CNTN3: variants seen among roughly 807,000 people sequenced by gnomAD.
CNTN3 encodes the protein contactin-3.
In CNTN3, 60 loss-of-function variants were observed where a neutral mutation model predicts 119.1. That is an observed-to-expected ratio of 0.50 (90% CI 0.41 to 0.62). The LOEUF (loss-of-function observed/expected upper bound fraction) is 0.62. CNTN3 is among the 20% of genes least tolerant of loss of function. The probability of loss-of-function intolerance (pLI) is 0.00; values close to 1 mark genes in which losing one functional copy is unlikely to be tolerated. For synonymous variants in CNTN3, 450 were observed against 438.7 expected (o/e 1.03, Z -0.32); for missense variants, 1,101 against 1,242.4 (o/e 0.89, Z 1.71).
chr3:74,411,756 G>A (rs915460733), intron 5 of CNTN3, among the ~76,000 whole-genome samples: 4 of 152,040 alleles, frequency 2.6e-5, no homozygotes, highest in Non-Finnish European at 4.4e-5. Context: ...TGTATTTCAC[G>A]TTATCAACCC....
chr3:74,437,972 T>C (rs1233044274), intron 4 of CNTN3, among the ~76,000 whole-genome samples: 2 of 152,326 alleles, frequency 1.3e-5, no homozygotes, highest in East Asian at 1.9e-4. Context: ...CACAATATCA[T>C]ATTTAAAAAA....
intron 5 of CNTN3, among the ~76,000 whole-genome samples, chr3:74,397,194 A>G (rs1359055061): frequency 1.3e-5 from 2 of 152,224 alleles, no homozygotes; most frequent in Non-Finnish European, 2.9e-5. Context: ...TCTGTGGTCT[A>G]TAAATGGAAG....
At chr3:74,266,443 G>A (rs1701661464) in intron 22 of CNTN3, 38 bp downstream of exon 22, 1 of 1,584,696 alleles carries the variant, frequency 6.3e-7, no homozygotes, top group Non-Finnish European at 8.7e-7. Flanking sequence ...TAGTAACACT[G>A]ATGTCAATAA....
At chr3:74,412,223 T>A (rs1701450646) in intron 5 of CNTN3, among the ~76,000 whole-genome samples, 1 of 152,170 alleles carries the variant, frequency 6.6e-6, no homozygotes, top group African/African-American at 2.4e-5. Flanking sequence ...TGTAATAGAA[T>A]CTCACTCTTT....
chr3:74,316,875 C>T (rs1204840074), intron 13 of CNTN3, among the ~76,000 whole-genome samples: 1 of 151,674 alleles, frequency 6.6e-6, no homozygotes, highest in Non-Finnish European at 1.5e-5. Context: ...TTGCAATCAG[C>T]CGAGACCGCA....
chr3:74,440,611 A>G (rs1701947445), intron 4 of CNTN3, among the ~76,000 whole-genome samples: 1 of 152,134 alleles, frequency 6.6e-6, no homozygotes, highest in African/African-American at 2.4e-5. Context: ...AAATATTTGG[A>G]AAAAATTTGT....
At chr3:74,587,355 G>A (rs1704611880) in intron 1 of CNTN3, among the ~76,000 whole-genome samples, 1 of 152,054 alleles carries the variant, frequency 6.6e-6, no homozygotes, top group Admixed American at 6.6e-5. Flanking sequence ...AATGAGATGT[G>A]AGGAGAAGTG....
intron 21 of CNTN3, among the ~76,000 whole-genome samples, chr3:74,266,955 T>C (rs6771765): frequency 0.4 from 60,473 of 151,938 alleles, 13,158 homozygotes; most frequent in East Asian, 0.67. Context: ...TGCCTGGCCA[T>C]GGAATCAGAG....
Position 74,451,388 on chromosome 3 carries a change from C to G in CNTN3, c.359-26448G>C, listed in dbSNP as rs149243378. The stretch of plus-strand genomic sequence containing the variant: ...TTGTTTTTTTCTTGTAAATTTGTTT[C>G]AGTTCATTGTAGATTCTGGATATTA... On this transcript the variant is annotated intron_variant, in intron 4 of 22. Transcript: ENST00000263665. Among the ~76,000 whole-genome samples the G allele has an allele frequency of 4.7e-3, 707 of 151,764 alleles. 5 individuals carry two copies. Among genetic ancestry groups the G allele is most frequent in the African/African-American group, 0.015 (629 of 41,384 alleles).
At position 74,499,772 on chromosome 3, in the gene CNTN3, T is replaced by C; in HGVS notation, c.69A>G (p.Leu23=). 1.2e-6 allele frequency: 2 copies of C among 1,604,814 alleles called. No individual in the cohort carries two copies. Among genetic ancestry groups the C allele is most frequent in the Non-Finnish European group, 1.7e-6 (2 of 1,176,404 alleles). ...GTTCTTTGATAAATACAGGGCCTTG[T>C]AAGAGAAGCTCACCTATATGGGTGG... ...FIGCLGGELL[L]QGPVFIKEPS... is the part of the protein sequence containing the mutation. The change falls in exon 3 of 23, where the codon TTA becomes TTG. Residue 23 remains leucine, a synonymous_variant. Transcript: ENST00000263665.
chr3:74,607,885 T>C (rs956159432), intron 1 of CNTN3, among the ~76,000 whole-genome samples: 1 of 152,206 alleles, frequency 6.6e-6, no homozygotes, highest in African/African-American at 2.4e-5. Flanking sequence ...TAAAACCGTG[T>C]AGGGCTATAC....
chr3:74,274,767 A>G (rs1701848228), intron 20 of CNTN3, among the ~76,000 whole-genome samples: 1 of 152,146 alleles, frequency 6.6e-6, no homozygotes, highest in African/African-American at 2.4e-5. Flanking sequence ...CCCAAAAATC[A>G]TACTAGCTCA....
chr3:74,321,752 AT>A (rs1329259382), intron 13 of CNTN3, among the ~76,000 whole-genome samples: 1 of 152,230 alleles, frequency 6.6e-6, no homozygotes, highest in East Asian at 1.9e-4. Flanking sequence ...TAATAAAAAA[AT>A]TATGAACAAT....
intron 13 of CNTN3, among the ~76,000 whole-genome samples, chr3:74,324,894 A>G (rs1703091541): frequency 1.3e-5 from 2 of 152,248 alleles, no homozygotes; most frequent in Non-Finnish European, 2.9e-5. Context: ...AGAGAAAACT[A>G]GTATATATAT....
At chr3:74,364,198 T>C (rs1003917693) in intron 10 of CNTN3, among the ~76,000 whole-genome samples, 2 of 152,128 alleles carry the variant, frequency 1.3e-5, no homozygotes, top group African/African-American at 2.4e-5. Flanking sequence ...TTGGTAATAT[T>C]GGAGGTGGAT....
At chr3:74,322,087 G>C (rs1224183910) in intron 13 of CNTN3, among the ~76,000 whole-genome samples, 3 of 150,908 alleles carry the variant, frequency 2.0e-5, no homozygotes, top group Non-Finnish European at 4.4e-5. Context: ...TTGGGGAGCT[G>C]AGGCAGGAGA....
At chr3:74,354,376 T>C (rs957916739) in intron 11 of CNTN3, among the ~76,000 whole-genome samples, 1 of 152,156 alleles carries the variant, frequency 6.6e-6, no homozygotes, top group Non-Finnish European at 1.5e-5. Context: ...ATGTTTCAAG[T>C]ACCACTAAGT....
chr3:74,529,161 A>G (rs1376897664), intron 1 of CNTN3, among the ~76,000 whole-genome samples: 4 of 151,960 alleles, frequency 2.6e-5, no homozygotes, highest in African/African-American at 9.7e-5. Context: ...GAATAGAAAG[A>G]TAAAAATTTT....
chr3:74,515,905 A>T (rs1160035214), intron 2 of CNTN3, among the ~76,000 whole-genome samples: 3 of 151,552 alleles, frequency 2.0e-5, no homozygotes, highest in African/African-American at 4.8e-5. Flanking sequence ...TCAAAAGACA[A>T]CTCTCCTCAA....
Sources: allele counts gnomAD v4.1 joint callset (sites outside exome capture counted in the v4.1 genomes callset), GRCh38; gene constraint gnomAD v4.1.1; transcripts MANE v1.5; gene names NCBI Gene and HGNC (gene_info 2026-07-23, HGNC 2026-07-21).